Variants in PKHD1 observed in about 807,000 individuals in gnomAD.
PKHD1 encodes the protein fibrocystin.
A neutral mutation model predicts 412.0 loss-of-function variants in PKHD1; 291 were observed. The observed-to-expected ratio is 0.71, with a 90% CI of 0.64 to 0.78. The LOEUF (loss-of-function observed/expected upper bound fraction) is 0.78, where lower values mean the gene tolerates loss of function less well. Among genes scored for constraint, PKHD1 ranks in the 30% least tolerant of loss-of-function variants. The pLI is 0.00. For missense variants in PKHD1, 4,825 were observed against 4,950.7 expected (o/e 0.97, Z 0.76); for synonymous variants, 1,777 against 1,821.5 (o/e 0.98, Z 0.62).
At chr6:51,862,462 C>A (rs1774342444) in intron 48 of PKHD1, among the ~76,000 whole-genome samples, 2 of 152,130 alleles carry the variant, frequency 1.3e-5, no homozygotes. Context: ...TCTTGTCTCA[C>A]AGGGTTGTTT....
intron 63 of PKHD1, among the ~76,000 whole-genome samples, chr6:51,640,180 C>A (rs894336162): frequency 6.6e-6 from 1 of 152,152 alleles, no homozygotes; most frequent in Non-Finnish European, 1.5e-5. Context: ...AAATCATTTG[C>A]TGCAGTTTTT....
intron 27 of PKHD1, among the ~76,000 whole-genome samples, chr6:52,039,801 C>A (rs1218320083): frequency 6.6e-6 from 1 of 152,072 alleles, no homozygotes; most frequent in Non-Finnish European, 1.5e-5. Context: ...AATCATTGTA[C>A]ACAAATATTC....
intron 60 of PKHD1, among the ~76,000 whole-genome samples, chr6:51,712,944 C>T (rs930084106): frequency 1.2e-4 from 19 of 152,284 alleles, no homozygotes; most frequent in Middle Eastern, 6.8e-3. Context: ...CTTTATGATC[C>T]AGTTATCTAA....
chr6:51,981,843 G>A (rs1404793849), intron 35 of PKHD1, among the ~76,000 whole-genome samples: 1 of 116,280 alleles, frequency 8.6e-6, no homozygotes, highest in Non-Finnish European at 2.1e-5. Context: ...GAGCGTCTCT[G>A]CCCGGCTGCC....
At chr6:51,671,834 G>C (rs1205979434) in intron 60 of PKHD1, among the ~76,000 whole-genome samples, 1 of 152,094 alleles carries the variant, frequency 6.6e-6, no homozygotes, top group Non-Finnish European at 1.5e-5. Flanking sequence ...GCTCCTGCTG[G>C]GGGGTGCCTC....
At chr6:51,791,665 A>G (rs1281198479) in intron 52 of PKHD1, among the ~76,000 whole-genome samples, 3 of 152,206 alleles carry the variant, frequency 2.0e-5, no homozygotes, top group Non-Finnish European at 1.5e-5. Flanking sequence ...CACAGATCGA[A>G]TGAGCTCCCT....
At chr6:51,959,021 T>A (rs1791590452) in intron 36 of PKHD1, among the ~76,000 whole-genome samples, 1 of 152,170 alleles carries the variant, frequency 6.6e-6, no homozygotes, top group African/African-American at 2.4e-5. Flanking sequence ...GAGACAGGTA[T>A]TAAAATTCCA....
At chr6:52,063,773 C>G (rs1042768300) in intron 13 of PKHD1, among the ~76,000 whole-genome samples, 1 of 152,158 alleles carries the variant, frequency 6.6e-6, no homozygotes, top group African/African-American at 2.4e-5. Flanking sequence ...CTACGTGTCC[C>G]CCGAGGGGCA....
chr6:51,963,982 G>T (rs1583593236), intron 35 of PKHD1, among the ~76,000 whole-genome samples: 1 of 151,894 alleles, frequency 6.6e-6, no homozygotes, highest in African/African-American at 2.4e-5. Context: ...GCATATGGGG[G>T]CAGCCGTGAA....
chr6:51,840,514 T>C (rs1290007721), intron 50 of PKHD1, among the ~76,000 whole-genome samples: 1 of 152,148 alleles, frequency 6.6e-6, no homozygotes, highest in African/African-American at 2.4e-5. Context: ...CAGAGAAGAA[T>C]AACAATTGTT....
chr6:51,773,801 A>C (rs889054341), intron 54 of PKHD1, among the ~76,000 whole-genome samples: 1 of 102,318 alleles, frequency 9.8e-6, no homozygotes, highest in African/African-American at 5.6e-5. Flanking sequence ...CCAAAAAAAA[A>C]ATAATCCCAA....
chr6:51,637,545 T>G, intron 64 of PKHD1, among the ~76,000 whole-genome samples: 1 of 151,742 alleles, frequency 6.6e-6, no homozygotes, highest in East Asian at 1.9e-4. Flanking sequence ...ATTTAAGAGA[T>G]AATGATCATA....
chr6:52,045,966 C>T (rs369607346), intron 24 of PKHD1, 38 bp downstream of exon 24: 2 of 1,393,618 alleles, frequency 1.4e-6, no homozygotes, highest in African/African-American at 1.4e-5. Flanking sequence ...TTCTCCAGGG[C>T]AGCAAATCCA....
At chr6:51,869,902 G>A (rs1234466945) in intron 47 of PKHD1, among the ~76,000 whole-genome samples, 1 of 152,068 alleles carries the variant, frequency 6.6e-6, no homozygotes, top group Admixed American at 6.6e-5. Flanking sequence ...TGGTTTGGCT[G>A]TTTACGATGA....
At chr6:51,949,555 C>A (rs930986025) in intron 36 of PKHD1, among the ~76,000 whole-genome samples, 1 of 152,174 alleles carries the variant, frequency 6.6e-6, no homozygotes, top group African/African-American at 2.4e-5. Flanking sequence ...TTGGCAAGAT[C>A]CGGATTAGAC....
intron 52 of PKHD1, among the ~76,000 whole-genome samples, chr6:51,805,389 G>A (rs1472591732): frequency 2.6e-5 from 4 of 152,140 alleles, no homozygotes; most frequent in Non-Finnish European, 4.4e-5. Flanking sequence ...CGGAAAGAAG[G>A]GATGAAGGCA....
Position 51,712,120 on chromosome 6 carries a change from A to G in PKHD1, c.10156+32265T>C, listed in dbSNP as rs575656869. On this transcript the variant is annotated intron_variant, in intron 60 of 66. Transcript: ENST00000371117. ...GGGCCTATTGCTTCTGACTCCACATAGACCAGTCTATAATAAACTCTATCC... is the reference window on the plus strand; with the variant it reads ...GGGCCTATTGCTTCTGACTCCACATGGACCAGTCTATAATAAACTCTATCC... 2.0e-5 allele frequency among the ~76,000 whole-genome samples: 3 copies of G among 152,340 alleles called. No individual in the cohort carries two copies. In the South Asian group the frequency reaches 6.2e-4, roughly 32 times the overall value.
chr6:51,632,499 ATATGT>A (rs2150303389), intron 65 of PKHD1, 61 bp downstream of exon 65: 2 of 1,325,506 alleles, frequency 1.5e-6, no homozygotes. Context: ...AGAATCATTA[ATATGT>A]TATGTATGAT....
intron 43 of PKHD1, among the ~76,000 whole-genome samples, chr6:51,891,092 T>A (rs1200622366): frequency 6.6e-6 from 1 of 152,200 alleles, no homozygotes; most frequent in African/African-American, 2.4e-5. Flanking sequence ...ACATTCTCAG[T>A]AAGGATGGAT....
Sources: allele counts gnomAD v4.1 joint callset (sites outside exome capture counted in the v4.1 genomes callset), GRCh38; gene constraint gnomAD v4.1.1; transcripts MANE v1.5; gene names NCBI Gene and HGNC (gene_info 2026-07-23, HGNC 2026-07-21).